Variants in NMNAT1 observed in about 807,000 individuals in gnomAD.
NMNAT1 encodes nicotinamide/nicotinic acid mononucleotide adenylyltransferase 1.
In NMNAT1, 11 loss-of-function variants were observed where a neutral mutation model predicts 16.7. The observed-to-expected ratio is 0.66, with a 90% CI of 0.41 to 1.09. The LOEUF (loss-of-function observed/expected upper bound fraction) is 1.09, where lower values mean the gene tolerates loss of function less well. Ranked by LOEUF, NMNAT1 falls within the 50% of genes least tolerant of loss-of-function variation. The probability of loss-of-function intolerance (pLI) is 0.00; values close to 1 mark genes in which losing one functional copy is unlikely to be tolerated. For missense variants in NMNAT1, 280 were observed against 332.3 expected (o/e 0.84, Z 1.22); for synonymous variants, 110 against 119.8 (o/e 0.92, Z 0.53).
intron 1 of NMNAT1, among the ~76,000 whole-genome samples, chr1:9,957,175 A>G (rs1173884550): frequency 6.6e-6 from 1 of 152,056 alleles, no homozygotes; most frequent in African/African-American, 2.4e-5. Flanking sequence ...GATTACAGGA[A>G]TGTACCAGCA....
In NMNAT1 at chr1:9,982,665, C is replaced by A. The variant is rs779108930; in HGVS notation, c.804C>A (p.Ala268=). The A allele has an allele frequency of 1.2e-6, 2 of 1,612,888 alleles. No individual in the cohort carries two copies. Among genetic ancestry groups the A allele is most frequent in the Admixed American group, 1.7e-5 (1 of 59,812 alleles). The change falls in exon 5 of 5, where the codon GCC becomes GCA. Residue 268 remains alanine (A), a synonymous_variant. Transcript: ENST00000377205. ...SEDRNAGVIL[A]PLQRNTAEAK... ...ACAGGAATGCTGGGGTCATCCTGGC[C>A]CCTTTGCAGAGAAACACTGCAGAAG...
At chr1:9,956,531 C>T (rs2101655274) in intron 1 of NMNAT1, among the ~76,000 whole-genome samples, 1 of 149,626 alleles carries the variant, frequency 6.7e-6, no homozygotes, top group African/African-American at 2.5e-5. Flanking sequence ...AAGCGATTCT[C>T]ATGCCTCAGC....
chr1:9,971,163 C>T (rs1483976524), intron 1 of NMNAT1, among the ~76,000 whole-genome samples: 1 of 152,120 alleles, frequency 6.6e-6, no homozygotes. Context: ...ATCCTCCACA[C>T]TAACACTTGT....
downstream of NMNAT1, among the ~76,000 whole-genome samples, chr1:9,986,640 T>C (rs745715461): frequency 4.5e-4 from 69 of 152,162 alleles, no homozygotes; most frequent in Non-Finnish European, 8.5e-4. Context: ...CTTAGAAATT[T>C]GGGAATCAGA....
At chr1:9,986,061 G>GTTTCAGAACTGGAATTCAGATCCA (rs1459468035), downstream of NMNAT1, among the ~76,000 whole-genome samples, 5 of 152,070 alleles carry the variant, frequency 3.3e-5, no homozygotes, top group African/African-American at 1.2e-4. Flanking sequence ...TGTCACCTCG[G>GTTTCAGAACTGGAATTCAGATCCA]TTTCAGAACT....
intron 1 of NMNAT1, among the ~76,000 whole-genome samples, chr1:9,945,655 G>A (rs1331215246): frequency 1.3e-5 from 2 of 152,198 alleles, no homozygotes; most frequent in Non-Finnish European, 2.9e-5. Context: ...AGCCGAGATC[G>A]TGCTCTTCAG....
intron 1 of NMNAT1, among the ~76,000 whole-genome samples, chr1:9,944,952 G>A (rs1220557318): frequency 6.6e-6 from 1 of 152,174 alleles, no homozygotes; most frequent in Non-Finnish European, 1.5e-5. Flanking sequence ...TGCAAAAGTC[G>A]GCCGGGTGCA....
At chr1:9,950,572 T>G (rs1641084762) in intron 1 of NMNAT1, 2 of 152,234 alleles carry the variant, frequency 1.3e-5, no homozygotes, top group African/African-American at 2.4e-5. Flanking sequence ...CCCAGATGGC[T>G]CAGACTGTTG....
chr1:9,970,919 G>C (rs1466585577), intron 1 of NMNAT1, among the ~76,000 whole-genome samples: 2 of 152,140 alleles, frequency 1.3e-5, no homozygotes, highest in African/African-American at 4.8e-5. Flanking sequence ...GGCCACAATA[G>C]TGCAATCACA....
At chr1:9,992,152 G>A in the NMNAT1 span, among the ~76,000 whole-genome samples, 3 of 148,646 alleles carry the variant, frequency 2.0e-5, no homozygotes, top group African/African-American at 7.5e-5. Flanking sequence ...GTTCCATCAC[G>A]GCTGACTGCA....
At chr1:9,952,088 G>A (rs12070725) in intron 1 of NMNAT1, among the ~76,000 whole-genome samples, 13,237 of 152,082 alleles carry the variant, frequency 0.087, 806 homozygotes, top group East Asian at 0.21. Flanking sequence ...CACGAGGTCG[G>A]GAGATCCAGA....
At chr1:9,962,680 T>TG (rs1486254860) in intron 1 of NMNAT1, among the ~76,000 whole-genome samples, 1 of 123,550 alleles carries the variant, frequency 8.1e-6, no homozygotes, top group Admixed American at 8.2e-5. Flanking sequence ...AATAAGGGTT[T>TG]TTTTTTTTTT....
At chr1:9,957,293 T>C (rs1459889289) in intron 1 of NMNAT1, among the ~76,000 whole-genome samples, 3 of 152,150 alleles carry the variant, frequency 2.0e-5, no homozygotes, top group Admixed American at 6.6e-5. Context: ...CCTCCCAAAG[T>C]GCTGGGATTA....
At chr1:9,961,742 C>T (rs1641412785) in intron 1 of NMNAT1, among the ~76,000 whole-genome samples, 1 of 152,126 alleles carries the variant, frequency 6.6e-6, no homozygotes, top group African/African-American at 2.4e-5. Context: ...TGTGATCCCA[C>T]CACTGTGCCT....
Position 9,982,674 on chromosome 1 carries a change from G to A in NMNAT1, c.813G>A (p.Gln271=). ...RNAGVILAPL[Q]RNTAEAKT ...CTGGGGTCATCCTGGCCCCTTTGCA[G>A]AGAAACACTGCAGAAGCTAAGACAT... The change falls in exon 5 of 5, where the codon CAG becomes CAA. Residue 271 remains glutamine (Q), a synonymous_variant. Coordinates refer to ENST00000377205, the MANE Select transcript of NMNAT1 (RefSeq NM_022787.4). 6.2e-7 allele frequency: 1 copy of A among 1,612,358 alleles called. No homozygotes were observed. The highest frequency in any genetic ancestry group is 2.2e-5 in the East Asian group (1 of 44,866).
chr1:9,973,192 C>G (rs1641727913), intron 2 of NMNAT1, among the ~76,000 whole-genome samples: 1 of 152,090 alleles, frequency 6.6e-6, no homozygotes, highest in African/African-American at 2.4e-5. Context: ...TCTCGGCTCA[C>G]TGCAACCTCC....
At chr1:9,976,076 C>A (rs966510459) in intron 3 of NMNAT1, among the ~76,000 whole-genome samples, 2 of 152,088 alleles carry the variant, frequency 1.3e-5, no homozygotes, top group African/African-American at 2.4e-5. Flanking sequence ...CAGCTGAGGT[C>A]AGGAGTTCGA....
chr1:9,952,751 CT>C (rs1382876260), intron 1 of NMNAT1, among the ~76,000 whole-genome samples: 2 of 152,046 alleles, frequency 1.3e-5, no homozygotes, highest in Non-Finnish European at 2.9e-5. Context: ...GTTGGCCAGG[CT>C]GGTCTCGAAC....
chr1:9,958,562 C>G (rs1031381983), intron 1 of NMNAT1, among the ~76,000 whole-genome samples: 1 of 151,900 alleles, frequency 6.6e-6, no homozygotes, highest in African/African-American at 2.4e-5. Context: ...GCCTCAGCCT[C>G]CTGAGTATCT....
Sources: gnomAD v4.1 joint callset for allele counts (sites outside exome capture counted in the v4.1 genomes callset) on GRCh38, gnomAD v4.1.1 for gene constraint, MANE v1.5 for transcripts, NCBI Gene and HGNC (gene_info 2026-07-23, HGNC 2026-07-21) for gene names.